MYRFL: variants seen among roughly 807,000 people sequenced by gnomAD.
MYRFL encodes myelin regulatory factor-like protein.
In MYRFL, 88 loss-of-function variants were observed where a neutral mutation model predicts 109.4. That is an observed-to-expected ratio of 0.80 (90% CI 0.68 to 0.96). MYRFL has a LOEUF of 0.96. Among genes scored for constraint, MYRFL ranks in the 40% least tolerant of loss-of-function variants. The pLI, the probability that MYRFL is intolerant of heterozygous loss-of-function variation, is 0.00. For synonymous variants in MYRFL, 324 were observed against 320.9 expected, an observed-to-expected ratio of 1.01 and a Z score of -0.10; for missense variants, 957 against 954.9, an observed-to-expected ratio of 1.00 and a Z score of -0.03.
intron 1 of MYRFL, among the ~76,000 whole-genome samples, chr12:69,833,136 A>G (rs1203861931): frequency 6.6e-6 from 1 of 152,088 alleles, no homozygotes; most frequent in Non-Finnish European, 1.5e-5. Context: ...CAGCTTAAAG[A>G]GTCATCAGTT....
chr12:69,920,578 T>A (rs111678392), intron 13 of MYRFL, among the ~76,000 whole-genome samples: 82 of 150,244 alleles, frequency 5.5e-4, no homozygotes, highest in African/African-American at 1.8e-3. Flanking sequence ...GTGAGCCCAC[T>A]CTCTAGGTAA....
chr12:69,911,422 G>C (rs780367604), intron 13 of MYRFL, among the ~76,000 whole-genome samples: 31 of 152,102 alleles, frequency 2.0e-4, no homozygotes, highest in Non-Finnish European at 3.7e-4. Context: ...TAGTTTTTTT[G>C]ATGAAACGGT....
At chr12:69,948,066 T>A (rs189092232) in intron 19 of MYRFL, among the ~76,000 whole-genome samples, 106 of 152,278 alleles carry the variant, frequency 7.0e-4, no homozygotes, top group Non-Finnish European at 1.1e-3. Flanking sequence ...ATATGAAGCT[T>A]ATAATGAATA....
At chr12:69,877,258 C>T (rs1006644635) in intron 2 of MYRFL, among the ~76,000 whole-genome samples, 15 of 151,918 alleles carry the variant, frequency 9.9e-5, no homozygotes, top group African/African-American at 3.6e-4. Flanking sequence ...CTCCTGACCT[C>T]GTGATCCGCC....
intron 19 of MYRFL, among the ~76,000 whole-genome samples, chr12:69,940,683 C>A (rs1385928444): frequency 6.6e-6 from 1 of 151,506 alleles, no homozygotes. Flanking sequence ...ATACATAACA[C>A]TATTAACTTT....
chr12:69,903,725 G>A lies in MYRFL; in HGVS notation c.1264G>A (p.Gly422Ser). ...GQVPESIVCH[G>S]RVGINTDAPD... ...AGTTCCAGAATCTATTGTCTGTCAC[G>A]GTCGAGTAGGAATCAACACAGATGC... is the stretch of plus-strand genomic sequence containing the variant. The change falls in exon 11 of 25, where the codon GGT becomes AGT. Residue 422 changes from glycine (G) to serine (S), a missense_variant. Coordinates refer to ENST00000552032, the MANE Select transcript of MYRFL (RefSeq NM_182530.3). 3 of 1,535,852 alleles carry A rather than the reference G, an allele frequency of 2.0e-6. No homozygotes were observed. The highest frequency in any genetic ancestry group is 2.4e-5 in the East Asian group (1 of 40,916).
intron 1 of MYRFL, among the ~76,000 whole-genome samples, chr12:69,842,191 T>C (rs1478687214): frequency 6.6e-6 from 1 of 152,228 alleles, no homozygotes; most frequent in Admixed American, 6.5e-5. Flanking sequence ...ATGCTGGCAA[T>C]GTCCTTGACT....
intron 5 of MYRFL, among the ~76,000 whole-genome samples, chr12:69,886,228 C>T (rs1886439332): frequency 6.6e-6 from 1 of 152,210 alleles, no homozygotes; most frequent in Middle Eastern, 3.2e-3. Context: ...TCAGATGACA[C>T]CATGAGGACT....
At chr12:69,916,339 A>T (rs1295068695) in intron 13 of MYRFL, among the ~76,000 whole-genome samples, 3 of 152,124 alleles carry the variant, frequency 2.0e-5, no homozygotes, top group Non-Finnish European at 4.4e-5. Context: ...TCACGGGTGG[A>T]AAAGAAGGGG....
At position 69,958,578 on chromosome 12, in the gene MYRFL, C is replaced by T. The variant is rs1956148568; in HGVS notation, c.*47C>T. The T allele has an allele frequency of 3.7e-6, 5 of 1,340,964 alleles. No individual in the cohort carries two copies. Among genetic ancestry groups the T allele is most frequent in the Non-Finnish European group, 5.1e-6 (5 of 987,634 alleles). The allele number at this position is 1,340,964 out of a possible 1,614,324, so 83.1% of individuals were successfully genotyped here. On this transcript the variant is annotated 3_prime_UTR_variant, in exon 25 of 25. Transcript: ENST00000552032. ...TACCAAAGAAAAATACTCAGGAATA[C>T]ATTTAACAGAAACGAACATCCTCTT...
chr12:69,906,848 G>A (rs1954379565), intron 11 of MYRFL, among the ~76,000 whole-genome samples: 1 of 152,224 alleles, frequency 6.6e-6, no homozygotes, highest in South Asian at 2.1e-4. Context: ...TGGACTGGAA[G>A]GTGTTGTCTG....
At chr12:69,911,234 G>A (rs1423138026) in intron 13 of MYRFL, among the ~76,000 whole-genome samples, 2 of 152,088 alleles carry the variant, frequency 1.3e-5, no homozygotes, top group African/African-American at 4.8e-5. Flanking sequence ...TTAAACAAGG[G>A]CCAAACATCA....
chr12:69,896,249 C>T (rs1391681841), intron 9 of MYRFL, among the ~76,000 whole-genome samples: 2 of 152,116 alleles, frequency 1.3e-5, no homozygotes, highest in Non-Finnish European at 2.9e-5. Flanking sequence ...TGTTTTGGTG[C>T]TCTAAGTAGA....
At chr12:69,917,161 A>G (rs1384813756) in intron 13 of MYRFL, among the ~76,000 whole-genome samples, 1 of 152,064 alleles carries the variant, frequency 6.6e-6, no homozygotes, top group East Asian at 1.9e-4. Flanking sequence ...TAACCACCCC[A>G]TATAAAATAG....
intron 1 of MYRFL, among the ~76,000 whole-genome samples, chr12:69,847,185 G>A (rs1161862578): frequency 6.6e-6 from 1 of 152,122 alleles, no homozygotes; most frequent in Admixed American, 6.5e-5. Context: ...TAGTCAGAGG[G>A]CTCTGAAGGA....
At position 69,952,826 on chromosome 12, in the gene MYRFL, A is replaced by C. The variant is rs1412323960; in HGVS notation, c.2315A>C (p.Gln772Pro). The C allele has an allele frequency of 6.5e-7, 1 of 1,535,194 alleles. No homozygotes were observed. ...ATTGATACAACCATCAGTTCTATTCAGATTATGGAAATCCAGCAAATAATA... is the reference window on the plus strand; with the variant it reads ...ATTGATACAACCATCAGTTCTATTCCGATTATGGAAATCCAGCAAATAATA... The part of the protein sequence containing the change: ...DWIDTTISSI[Q>P]IMEIQQIIDH... Residue 772 changes from glutamine (Q) to proline (P), a missense_variant, in exon 21 of 25, where the codon CAG (glutamine) becomes CCG (proline). Transcript: ENST00000552032.
chr12:69,940,629 C>A (rs1011392782), intron 19 of MYRFL, among the ~76,000 whole-genome samples: 2 of 152,078 alleles, frequency 1.3e-5, no homozygotes, highest in Non-Finnish European at 2.9e-5. Context: ...CATCAACTAA[C>A]GAGCAAAATA....
chr12:69,853,452 A>G (rs1319800777), intron 1 of MYRFL, among the ~76,000 whole-genome samples: 4 of 149,200 alleles, frequency 2.7e-5, no homozygotes, highest in Non-Finnish European at 4.4e-5. Context: ...GTGGTCGGGC[A>G]GAGACACTCC....
In MYRFL at chr12:69,893,916, AT is replaced by A. The variant is rs1887063234; in HGVS notation, c.980+80del. 3 of 415,702 alleles carry A rather than the reference AT, an allele frequency of 7.2e-6. No individual in the cohort carries two copies. In the East Asian group the frequency reaches 1.8e-4, roughly 24 times the overall value. The allele number at this position is 415,702 out of a possible 1,614,324, so 25.8% of individuals were successfully genotyped here. A position where few individuals can be genotyped will look rare whatever the true frequency, so the allele number is the denominator to read the frequency against. Reference sequence around the variant, plus strand: ...CTACTTTGTTTTTTATATATATATAATTTTATTTATTATCTAATATATTTTG... The same window carrying A: ...CTACTTTGTTTTTTATATATATATAATTTATTTATTATCTAATATATTTTG... On this transcript the variant is annotated intron_variant, in intron 8 of 24. Transcript: ENST00000552032.
Sources: allele counts gnomAD v4.1 joint callset (sites outside exome capture counted in the v4.1 genomes callset), GRCh38; gene constraint gnomAD v4.1.1; transcripts MANE v1.5; gene names NCBI Gene and HGNC (gene_info 2026-07-23, HGNC 2026-07-21).